The following RORA variants were observed in gnomAD, a reference collection of about 807,000 sequenced individuals.
RORA encodes RAR related orphan receptor A.
A neutral mutation model predicts 69.5 loss-of-function variants in RORA; 7 were observed. The observed-to-expected ratio is 0.10, with a 90% confidence interval of 0.06 to 0.19. The LOEUF is 0.19. Among genes scored for constraint, RORA ranks in the 10% least tolerant of loss-of-function variants. RORA has a pLI of 1.00. For synonymous variants in RORA, 261 were observed against 240.8 expected, an observed-to-expected ratio of 1.08 and a Z score of -0.78; for missense variants, 457 against 663.0, an observed-to-expected ratio of 0.69 and a Z score of 3.41.
chr15:61,125,262 C>G (rs2079133642), intron 1 of RORA, among the ~76,000 whole-genome samples: 2 of 152,188 alleles, frequency 1.3e-5, no homozygotes, highest in South Asian at 4.1e-4. Flanking sequence ...AAAAACGTGA[C>G]ACTGAATGCC....
rs370088322 is a variant in RORA, at chr15:60,570,414, T to C, written c.197-38563A>G. On this transcript the variant is annotated intron_variant, in intron 2 of 10. Coordinates refer to ENST00000335670, the MANE Select transcript of RORA (RefSeq NM_134261.3). ...GTATGATCACAGCTCACTGCAGACT[T>C]GACTTCCCCAGCCTCGGGTTATCCT... 3.9e-5 allele frequency among the ~76,000 whole-genome samples: 6 copies of C among 152,234 alleles called. No homozygotes were observed. The East Asian group carries it at 5.8e-4, about 15-fold the overall frequency.
At chr15:61,012,932 G>A (rs981812945) in intron 1 of RORA, among the ~76,000 whole-genome samples, 14 of 152,218 alleles carry the variant, frequency 9.2e-5, no homozygotes, top group African/African-American at 3.1e-4. Context: ...TTATAGGTGT[G>A]AGCCACCGCG....
At chr15:61,119,429 T>TAC (rs1566998101) in intron 1 of RORA, among the ~76,000 whole-genome samples, 7 of 149,838 alleles carry the variant, frequency 4.7e-5, no homozygotes, top group Non-Finnish European at 8.9e-5. Flanking sequence ...TATATATATA[T>TAC]ACACACACAC....
chr15:60,514,883 TC>T, intron 3 of RORA, 126 bp from the exon 4 acceptor site: 1 of 669,496 alleles, frequency 1.5e-6, no homozygotes, highest in Non-Finnish European at 2.5e-6. Flanking sequence ...AGCAGAATCA[TC>T]CAGGAGACCA....
chr15:60,562,380 C>A (rs73422006), intron 2 of RORA, among the ~76,000 whole-genome samples: 10 of 151,400 alleles, frequency 6.6e-5, no homozygotes, highest in African/African-American at 2.2e-4. Flanking sequence ...GGATGACAGG[C>A]ATGTGCCAAT....
chr15:60,788,299 C>T (rs1209388738), intron 1 of RORA, among the ~76,000 whole-genome samples: 1 of 152,128 alleles, frequency 6.6e-6, no homozygotes, highest in Non-Finnish European at 1.5e-5. Flanking sequence ...AGCACACAGT[C>T]GAGTGGGGAG....
intron 1 of RORA, among the ~76,000 whole-genome samples, chr15:61,023,030 C>CA (rs1181282113): frequency 2.6e-5 from 4 of 151,058 alleles, no homozygotes; most frequent in Non-Finnish European, 5.9e-5. Context: ...ACTAAAAATA[C>CA]AAAAAAAATT....
At chr15:60,547,560 A>G (rs2067109836) in intron 2 of RORA, among the ~76,000 whole-genome samples, 2 of 150,706 alleles carry the variant, frequency 1.3e-5, no homozygotes, top group African/African-American at 4.9e-5. Flanking sequence ...TCCTGACCTC[A>G]GGTGATCCAC....
chr15:60,590,818 T>C (rs1369700438), intron 2 of RORA, among the ~76,000 whole-genome samples: 2 of 152,202 alleles, frequency 1.3e-5, no homozygotes, highest in Non-Finnish European at 2.9e-5. Flanking sequence ...TCCTCTCTTT[T>C]ACTTATATGA....
chr15:60,958,759 CA>C (rs1184866537), intron 1 of RORA, among the ~76,000 whole-genome samples: 1 of 152,144 alleles, frequency 6.6e-6, no homozygotes, highest in Non-Finnish European at 1.5e-5. Context: ...CTACCATCCA[CA>C]AAAATGTATG....
Position 61,015,084 on chromosome 15 carries a change from C to A in RORA, c.166+213969G>T, listed in dbSNP as rs150326106. Among the ~76,000 whole-genome samples the A allele has an allele frequency of 4.5e-3, 684 of 152,302 alleles. 2 individuals carry two copies. The highest frequency in any genetic ancestry group is 7.0e-3 in the Non-Finnish European group (476 of 68,034). ...ACCGCAAAATAAGATATAAGCACCT[C>A]ATTAATTACCATCAGCAAGAGAATT... On this transcript the variant is annotated intron_variant, in intron 1 of 10. Coordinates refer to ENST00000335670, the MANE Select transcript of RORA (RefSeq NM_134261.3).
intron 2 of RORA, among the ~76,000 whole-genome samples, chr15:60,642,901 G>T (rs1177643904): frequency 6.6e-6 from 1 of 151,902 alleles, no homozygotes; most frequent in Non-Finnish European, 1.5e-5. Context: ...GGCTGGGCCC[G>T]GTGGCAGCCA....
At chr15:61,042,095 A>G (rs1896802797) in intron 1 of RORA, among the ~76,000 whole-genome samples, 2 of 152,196 alleles carry the variant, frequency 1.3e-5, no homozygotes, top group Admixed American at 6.5e-5. Context: ...GCCTTTTTCC[A>G]AAGGCTAAAT....
At chr15:60,764,978 G>T (rs2071962580) in intron 1 of RORA, 1 of 124,116 alleles carries the variant, frequency 8.1e-6, no homozygotes, top group Non-Finnish European at 1.8e-5. Context: ...CTCCACAAAA[G>T]GAAGCGAGCT....
At chr15:60,548,676 T>C (rs931718456) in intron 2 of RORA, among the ~76,000 whole-genome samples, 10 of 152,194 alleles carry the variant, frequency 6.6e-5, no homozygotes, top group East Asian at 5.8e-4. Flanking sequence ...CTCGCTCTGT[T>C]CCCCAGGCTG....
intron 2 of RORA, among the ~76,000 whole-genome samples, chr15:60,572,366 G>A (rs781722862): frequency 4.6e-5 from 7 of 152,106 alleles, no homozygotes; most frequent in Non-Finnish European, 8.8e-5. Context: ...TATTTGCAAA[G>A]CCTTTCACAA....
Position 60,505,562 on chromosome 15 carries a change from C to T in RORA, c.888G>A (p.Gln296=), listed in dbSNP as rs550044201. 1.2e-6 allele frequency: 2 copies of T among 1,613,916 alleles called. No individual in the cohort carries two copies. The highest frequency in any genetic ancestry group is 1.1e-5 in the South Asian group (1 of 91,076). The change falls in exon 6 of 11, where the codon CAG becomes CAA. Residue 296 remains glutamine, a synonymous_variant. Transcript: ENST00000335670. The part of the protein sequence containing the change: ...ETCQYLREEL[Q]QITWQTFLQE... ...GTAAAAAGGTCTGCCACGTTATCTG[C>T]TGGAGCTCTTCTCTCAAGTATTGGC...
At chr15:60,957,455 C>T (rs1005340894) in intron 1 of RORA, among the ~76,000 whole-genome samples, 10 of 152,204 alleles carry the variant, frequency 6.6e-5, no homozygotes, top group Admixed American at 3.9e-4. Flanking sequence ...TGTGACAACA[C>T]GTACCTCCTC....
chr15:60,522,333 A>G (rs1042343781), intron 3 of RORA, among the ~76,000 whole-genome samples: 1 of 152,162 alleles, frequency 6.6e-6, no homozygotes, highest in Non-Finnish European at 1.5e-5. Flanking sequence ...GAAAATGGCC[A>G]TTGGTGGGAT....
Sources: allele counts gnomAD v4.1 joint callset (sites outside exome capture counted in the v4.1 genomes callset), GRCh38; gene constraint gnomAD v4.1.1; transcripts MANE v1.5; gene names NCBI Gene and HGNC (gene_info 2026-07-23, HGNC 2026-07-21).